CACNA1C: variants seen among roughly 807,000 people sequenced by gnomAD.
CACNA1C encodes the protein calcium voltage-gated channel subunit alpha1 C, also known as voltage-dependent L-type calcium channel subunit alpha-1C.
Under a neutral mutation model 229.0 loss-of-function variants are expected in CACNA1C, and 30 were observed. That is an observed-to-expected ratio of 0.13 (90% CI 0.10 to 0.18). The LOEUF is 0.18. Among genes scored for constraint, CACNA1C ranks in the 10% least tolerant of loss-of-function variants. The pLI is 1.00. For missense variants in CACNA1C, 1,658 were observed against 2,845.0 expected, an observed-to-expected ratio of 0.58 and a Z score of 9.49; for synonymous variants, 1,114 against 1,132.5, an observed-to-expected ratio of 0.98 and a Z score of 0.33.
At chr12:2,222,190 G>A (rs1437946751) in intron 3 of CACNA1C, 1 of 152,218 alleles carries the variant, frequency 6.6e-6, no homozygotes, top group African/African-American at 2.4e-5. Flanking sequence ...AAAAACTTGT[G>A]ATGTCTTACC....
In CACNA1C at chr12:2,605,703, G is replaced by C; in HGVS notation, c.3073G>C (p.Ala1025Pro). 6.2e-7 allele frequency: 1 copy of C among 1,613,606 alleles called. No individual in the cohort carries two copies. The highest frequency in any genetic ancestry group is 8.5e-7 in the Non-Finnish European group (1 of 1,179,658). The change falls in exon 24 of 47, where the codon GCC (alanine) becomes CCC (proline). Residue 1025 changes from alanine to proline, a missense_variant. Coordinates refer to ENST00000399655, the MANE Select transcript of CACNA1C (RefSeq NM_000719.7). The surrounding 1 kb of genome is among the most constrained non-coding windows in gnomAD (Gnocchi z 6.2). Reference sequence around the variant, plus strand: ...GCATGTGGTTCAGTGTGTGTTTGTCGCCATCCGGACCATCGGGAACATCGT... The same window carrying C: ...GCATGTGGTTCAGTGTGTGTTTGTCCCCATCCGGACCATCGGGAACATCGT... ...LKHVVQCVFV[A>P]IRTIGNIVIV...
At position 2,017,860 on chromosome 12, in the gene CACNA1C, G is replaced by A. The variant is rs560080164; in HGVS notation, c.139+46659G>A. 9.2e-5 allele frequency among the ~76,000 whole-genome samples: 14 copies of A among 152,202 alleles called. No individual in the cohort carries two copies. The South Asian group carries it at 2.7e-3, about 29-fold the overall frequency. The stretch of plus-strand genomic sequence containing the variant: ...ACAGAAGAGGCAAGAAGAGCCCAGC[G>A]GGAGGCTCCCATTTTGGCTTGAAGG... On this transcript the variant is annotated intron_variant, in intron 1 of 46. Transcript: ENST00000682462.
intron 1 of CACNA1C, among the ~76,000 whole-genome samples, chr12:1,987,172 T>C (rs2038042288): frequency 6.6e-6 from 1 of 152,260 alleles, no homozygotes; most frequent in African/African-American, 2.4e-5. Flanking sequence ...AGAAGTACTC[T>C]GCCCTGCTGC....
chr12:1,985,033 A>AT (rs2037292884), intron 1 of CACNA1C, among the ~76,000 whole-genome samples: 1 of 151,470 alleles, frequency 6.6e-6, no homozygotes, highest in Non-Finnish European at 1.5e-5. Flanking sequence ...TGCTTTCAAG[A>AT]TTAAAAAAAA....
At chr12:2,249,306 A>G (rs1029911576) in intron 3 of CACNA1C, among the ~76,000 whole-genome samples, 4 of 152,180 alleles carry the variant, frequency 2.6e-5, no homozygotes, top group African/African-American at 7.2e-5. Context: ...CCGGCCTGCC[A>G]TCTGCTTTTG....
rs554842162 is a variant in CACNA1C, at chr12:2,677,222, G to A, written c.4956+1G>A. 1 of 1,613,448 alleles carries A rather than the reference G, an allele frequency of 6.2e-7. No individual in the cohort carries two copies. The highest frequency in any genetic ancestry group is 1.3e-5 in the African/African-American group (1 of 75,072). ...CCAGAGGAACGCGCTGTCTCTGCAG[G>A]TGAGGGCCTGGGGGCGGGCCCACAC... On this transcript the variant is annotated splice_donor_variant, in intron 40 of 46. Transcript: ENST00000399655. LOFTEE classifies it high-confidence loss of function. This position sits in a 1 kb window ranked among gnomAD's most constrained non-coding sequence, Gnocchi z 7.4.
intron 3 of CACNA1C, among the ~76,000 whole-genome samples, chr12:2,420,526 CA>C (rs997260229): frequency 1.1e-4 from 17 of 152,150 alleles, no homozygotes; most frequent in African/African-American, 4.1e-4. Context: ...TGTGTTGGGC[CA>C]AGGTGGAAGG....
At chr12:2,396,982 G>A (rs534933773) in intron 3 of CACNA1C, among the ~76,000 whole-genome samples, 73 of 152,358 alleles carry the variant, frequency 4.8e-4, no homozygotes, top group African/African-American at 1.7e-3. Flanking sequence ...TGTTTAGCCT[G>A]TTAGTAGTTC....
Position 2,692,973 on chromosome 12 carries a change from G to A in CACNA1C, c.*1774G>A, listed in dbSNP as rs2097803431. 1 of 152,620 alleles carries A rather than the reference G, an allele frequency of 6.6e-6. No individual in the cohort carries two copies. The highest frequency in any genetic ancestry group is 1.5e-5 in the Non-Finnish European group (1 of 68,016). 9.5% of individuals were successfully genotyped at this position (152,620 alleles called of 1,614,324 possible). On this transcript the variant is annotated 3_prime_UTR_variant, in exon 47 of 47. Transcript: ENST00000399655. ...GAACTCAAGTGCTTTTCTATATGTG[G>A]TTGGGGGAAAGGGAACAAGTTTTCT...
At position 2,247,329 on chromosome 12, in the gene CACNA1C, G is replaced by A. The variant is rs539718718; in HGVS notation, c.477+126899G>A. Among the ~76,000 whole-genome samples, 6 of 152,188 alleles carry A rather than the reference G, an allele frequency of 3.9e-5. No individual in the cohort carries two copies. In the South Asian group the frequency reaches 1.2e-3, roughly 32 times the overall value. ...CCTCTCTGCCCTGTCAATGCCGCAGGGTCTGTTTTTCCTATAAGTCTGATG... is the reference window on the plus strand; with the variant it reads ...CCTCTCTGCCCTGTCAATGCCGCAGAGTCTGTTTTTCCTATAAGTCTGATG... On this transcript the variant is annotated intron_variant, in intron 3 of 46. Transcript: ENST00000399655.
chr12:2,218,857 C>T (rs147528811), intron 3 of CACNA1C, among the ~76,000 whole-genome samples: 63 of 152,262 alleles, frequency 4.1e-4, no homozygotes, highest in East Asian at 1.7e-3. Flanking sequence ...TGCTGGCCAA[C>T]GGTTGACTAG....
Position 2,649,563 on chromosome 12 carries a change from G to A in CACNA1C, c.3945+1056G>A, listed in dbSNP as rs1308345924. 2.6e-5 allele frequency among the ~76,000 whole-genome samples: 4 copies of A among 152,158 alleles called. No homozygotes were observed. On this transcript the variant is annotated intron_variant, in intron 31 of 46. Coordinates refer to ENST00000399655, the MANE Select transcript of CACNA1C (RefSeq NM_000719.7). The surrounding 1 kb of genome is among the most constrained non-coding windows in gnomAD (Gnocchi z 4.4). ...TTTATTAGAGCAAATTGGTGCATCC[G>A]AATGGCAGTGAGTTTATTCTCCTTC...
rs1055409312 is a variant in CACNA1C at position 2,655,358 on chromosome 12, T to G, written c.4232+120T>G. Reference sequence around the variant, plus strand: ...GGGAGTAGGAAGGGAGAGGATGTGTTGCTTGCTCTCTGCCTGACAAGGAGG... The same window carrying G: ...GGGAGTAGGAAGGGAGAGGATGTGTGGCTTGCTCTCTGCCTGACAAGGAGG... On this transcript the variant is annotated intron_variant, in intron 34 of 46. Transcript: ENST00000399655. The G allele has an allele frequency of 3.5e-5, 22 of 624,852 alleles. No homozygotes were observed. In the African/African-American group the frequency reaches 4.0e-4, roughly 11 times the overall value. The allele number at this position is 624,852 out of a possible 1,614,324, so 38.7% of individuals were successfully genotyped here.
At position 2,634,371 on chromosome 12, in the gene CACNA1C, C is replaced by A. The variant is rs1489840314; in HGVS notation, c.3903C>A (p.Thr1301=). The part of the protein sequence containing the change: ...VVGSIVDIAI[T]EVNPAEHTQC... Reference sequence around the variant, plus strand: ...GTAGCATTGTTGATATAGCAATCACCGAGGTAAACGTAAGTACATGGCGTC... The same window carrying A: ...GTAGCATTGTTGATATAGCAATCACAGAGGTAAACGTAAGTACATGGCGTC... The change falls in exon 30 of 47, where the codon ACC becomes ACA. Residue 1301 remains threonine, a synonymous_variant. Coordinates refer to ENST00000399655, the MANE Select transcript of CACNA1C (RefSeq NM_000719.7). 1 of 1,566,552 alleles carries A rather than the reference C, an allele frequency of 6.4e-7. No individual in the cohort carries two copies. Among genetic ancestry groups the A allele is most frequent in the East Asian group, 2.3e-5 (1 of 43,618 alleles).
intron 1 of CACNA1C, among the ~76,000 whole-genome samples, chr12:2,076,121 A>T (rs986032282): frequency 2.0e-5 from 3 of 151,854 alleles, no homozygotes; most frequent in African/African-American, 7.3e-5. Context: ...GTAAAACAAG[A>T]CTCGCCTGGA....
intron 3 of CACNA1C, among the ~76,000 whole-genome samples, chr12:2,207,828 A>G (rs2097794056): frequency 7.6e-6 from 1 of 132,098 alleles, no homozygotes; most frequent in Admixed American, 7.7e-5. Context: ...CTCAAAAACA[A>G]AACAAACAAA....
intron 1 of CACNA1C, among the ~76,000 whole-genome samples, chr12:2,040,564 A>G (rs2049911718): frequency 6.6e-6 from 1 of 152,214 alleles, no homozygotes. Context: ...ACTTCTGAAG[A>G]ACTGGTTTTA....
Position 1,971,346 on chromosome 12 carries a change from A to T in CACNA1C, c.139+145A>T. The stretch of plus-strand genomic sequence containing the variant: ...TCAGGATTTACCACACACCGTTGTA[A>T]AATTTTGCCTGTAACTGCACTATCC... On this transcript the variant is annotated intron_variant, in intron 1 of 46. Coordinates refer to the CACNA1C transcript ENST00000682462. The surrounding 1 kb of genome is among the most constrained non-coding windows in gnomAD (Gnocchi z 4.2). 1 of 402,084 alleles carries T rather than the reference A, an allele frequency of 2.5e-6. No individual in the cohort carries two copies. 24.9% of individuals were successfully genotyped at this position (402,084 alleles called of 1,614,324 possible). A position where few individuals can be genotyped will look rare whatever the true frequency, so the allele number is the denominator to read the frequency against.
At chr12:2,438,587 T>G (rs1259246962) in intron 3 of CACNA1C, among the ~76,000 whole-genome samples, 1 of 151,886 alleles carries the variant, frequency 6.6e-6, no homozygotes, top group Non-Finnish European at 1.5e-5. Context: ...CTGCCTGGTT[T>G]GGGTGTGGTG....
Sources: allele counts gnomAD v4.1 joint callset (sites outside exome capture counted in the v4.1 genomes callset), GRCh38; gene constraint gnomAD v4.1.1; non-coding constraint Gnocchi (gnomAD v3.1); transcripts MANE v1.5; gene names NCBI Gene and HGNC (gene_info 2026-07-23, HGNC 2026-07-21).